Variants in TTLL12 observed in about 807,000 individuals in gnomAD.
TTLL12 encodes the protein tubulin tyrosine ligase like 12, also known as tubulin--tyrosine ligase-like protein 12.
TTLL12 carries 77 observed loss-of-function variants against 79.6 expected under a neutral mutation model. The ratio of observed to expected loss-of-function variants is 0.97; its 90% confidence interval spans 0.81 to 1.17. The LOEUF is 1.17. TTLL12 is among the 50% of genes most tolerant of loss of function. TTLL12 has a pLI of 0.00. For synonymous variants in TTLL12, 437 were observed against 376.1 expected, an observed-to-expected ratio of 1.16 and a Z score of -1.87; for missense variants, 969 against 895.9, an observed-to-expected ratio of 1.08 and a Z score of -1.04.
intron 9 of TTLL12, 129 bp from the exon 10 acceptor site, chr22:43,172,683 C>A: frequency 1.0e-6 from 1 of 1,003,272 alleles, no homozygotes. Flanking sequence ...TTCAAACCTG[C>A]CTAAGTTGCT....
At chr22:43,184,679 G>C (rs544974518) in intron 1 of TTLL12, among the ~76,000 whole-genome samples, 2 of 152,340 alleles carry the variant, frequency 1.3e-5, no homozygotes, top group South Asian at 2.1e-4. Flanking sequence ...TTTAGGGCTG[G>C]GGGGAGGCTC....
chr22:43,185,107 A>C (rs1203218792), intron 1 of TTLL12, among the ~76,000 whole-genome samples: 4 of 151,680 alleles, frequency 2.6e-5, no homozygotes, highest in African/African-American at 9.7e-5. Flanking sequence ...GCACGTCTGT[A>C]ATCCCAGCTA....
In TTLL12 at chr22:43,167,261, C is replaced by T. The variant is rs546341748; in HGVS notation, c.*747G>A. ...CAAGGGCGGGACCCCGTGGAGTGCC[C>T]GGCGAGCAGGGCAACCACTGGGAAG... On this transcript the variant is annotated 3_prime_UTR_variant, in exon 14 of 14. Transcript: ENST00000216129. 31 of 511,502 alleles carry T rather than the reference C, an allele frequency of 6.1e-5. No individual in the cohort carries two copies. Among genetic ancestry groups the T allele is most frequent in the Admixed American group, 3.3e-4 (16 of 48,850 alleles). The allele number at this position is 511,502 out of a possible 1,614,324, so 31.7% of individuals were successfully genotyped here.
At chr22:43,182,932 C>A in intron 2 of TTLL12, 48 bp downstream of exon 2, 1 of 1,592,956 alleles carries the variant, frequency 6.3e-7, no homozygotes, top group Non-Finnish European at 8.6e-7. Context: ...GCATCTCCCA[C>A]CTTTCACCAA....
chr22:43,173,311 A>T (rs1274522709), intron 9 of TTLL12, among the ~76,000 whole-genome samples: 2 of 152,142 alleles, frequency 1.3e-5, no homozygotes, highest in Non-Finnish European at 2.9e-5. Context: ...AGACGCACCC[A>T]GGACAGTTCT....
chr22:43,186,777 C>A, intron 1 of TTLL12, 116 bp downstream of exon 1: 1 of 1,061,572 alleles, frequency 9.4e-7, no homozygotes, highest in Non-Finnish European at 1.2e-6. Flanking sequence ...AGGACGCGCT[C>A]TGGGTGGCTC....
intron 3 of TTLL12, among the ~76,000 whole-genome samples, chr22:43,180,331 G>A (rs1932023670): frequency 6.6e-6 from 1 of 152,170 alleles, no homozygotes; most frequent in Non-Finnish European, 1.5e-5. Flanking sequence ...TCAGGGAAGG[G>A]TCCCTGGAGG....
At position 43,167,866 on chromosome 22, in the gene TTLL12, A is replaced by G. The variant is rs1931657847; in HGVS notation, c.*142T>C. Reference sequence around the variant, plus strand: ...GCTCCCGGAGTGTGGCGCCGGGAGGATGGCTCGGCAGGACAGAGGCCTGGG... The same window carrying G: ...GCTCCCGGAGTGTGGCGCCGGGAGGGTGGCTCGGCAGGACAGAGGCCTGGG... On this transcript the variant is annotated 3_prime_UTR_variant, in exon 14 of 14. Coordinates refer to ENST00000216129, the MANE Select transcript of TTLL12 (RefSeq NM_015140.4). The G allele has an allele frequency of 4.7e-6, 5 of 1,073,760 alleles. No individual in the cohort carries two copies. Among genetic ancestry groups the G allele is most frequent in the Non-Finnish European group, 5.4e-6 (4 of 744,492 alleles). The allele number at this position is 1,073,760 out of a possible 1,614,324, so 66.5% of individuals were successfully genotyped here. A position where few individuals can be genotyped will look rare whatever the true frequency, so the allele number is the denominator to read the frequency against.
In TTLL12 at chr22:43,169,568, C is replaced by T; in HGVS notation, c.1576G>A (p.Val526Met). Residue 526 changes from valine to methionine, a missense_variant and splice_region_variant, in exon 12 of 14, where the codon GTG (valine) becomes ATG (methionine). By Grantham distance (21) the Val-to-Met change is conservative (BLOSUM62 1). Coordinates refer to ENST00000216129, the MANE Select transcript of TTLL12 (RefSeq NM_015140.4). ...NYDPDVVLKQ[V>M]HCEEFIPEFE... The stretch of plus-strand genomic sequence containing the variant: ...TCGGGGATGAACTCTTCACAGTGCA[C>T]CTGCAACAGACACAGGGCCCATCAC... The T allele has an allele frequency of 6.2e-7, 1 of 1,613,486 alleles. No homozygotes were observed. Among genetic ancestry groups the T allele is most frequent in the East Asian group, 2.2e-5 (1 of 44,848 alleles).
At chr22:43,172,025 G>T in intron 10 of TTLL12, 125 bp from the exon 11 acceptor site, 1 of 789,440 alleles carries the variant, frequency 1.3e-6, no homozygotes, top group Non-Finnish European at 2.1e-6. Flanking sequence ...CTGCTGCTCA[G>T]GCGGGAGCCT....
intron 6 of TTLL12, 134 bp downstream of exon 6, chr22:43,176,186 T>C (rs983029594): frequency 2.9e-5 from 20 of 684,316 alleles, no homozygotes; most frequent in Non-Finnish European, 5.0e-5. Flanking sequence ...GTCACTGCTG[T>C]GCCCAGACAG....
chr22:43,171,919 G>C lies in TTLL12; in HGVS notation c.1494-19C>G. 1 of 1,611,332 alleles carries C rather than the reference G, an allele frequency of 6.2e-7. No homozygotes were observed. The highest frequency in any genetic ancestry group is 8.5e-7 in the Non-Finnish European group (1 of 1,177,802). ...AAAGGCCCTGGAAGACAAGTGTGCA[G>C]ACACATATGGGTTCTTGAGCGGCCT... On this transcript the variant is annotated intron_variant, in intron 10 of 13. Coordinates refer to ENST00000216129, the MANE Select transcript of TTLL12 (RefSeq NM_015140.4).
intron 6 of TTLL12, among the ~76,000 whole-genome samples, 172 bp from the exon 7 acceptor site, chr22:43,174,787 C>T (rs367835388): frequency 2.6e-5 from 4 of 152,206 alleles, no homozygotes; most frequent in African/African-American, 7.2e-5. Flanking sequence ...CCGCTCCCTC[C>T]AATCTGCTGA....
chr22:43,174,717 A>C, intron 6 of TTLL12, 102 bp from the exon 7 acceptor site: 8 of 849,706 alleles, frequency 9.4e-6, no homozygotes, highest in Non-Finnish European at 1.5e-5. Flanking sequence ...TTTTGAAGCT[A>C]ATGAGGCAGA....
chr22:43,180,981 T>C (rs774324335), intron 2 of TTLL12, 41 bp from the exon 3 acceptor site: 3 of 1,592,190 alleles, frequency 1.9e-6, no homozygotes, highest in Non-Finnish European at 2.6e-6. Context: ...CGGGTGGGCA[T>C]GGGGCAAAGG....
intron 2 of TTLL12, among the ~76,000 whole-genome samples, chr22:43,182,770 C>A (rs952934240): frequency 6.6e-6 from 1 of 152,198 alleles, no homozygotes; most frequent in African/African-American, 2.4e-5. Context: ...TCTCAGGCCG[C>A]GGTCCATCCG....
rs200016238 is a variant in TTLL12 at position 43,168,025 on chromosome 22, C to T, written c.1918G>A (p.Val640Ile). The change falls in exon 14 of 14, where the codon GTT (valine) becomes ATT (isoleucine). Residue 640 changes from valine (V) to isoleucine (I), a missense_variant. Transcript: ENST00000216129. Reference protein sequence around the residue: ...LFLDQPGGCHVTCLV With the variant: ...LFLDQPGGCHITCLV ...GCGAGTGCCTAGACAAGGCAGGTAACGTGGCAGCCACCGGGCTGGTCCAGA... is the reference window on the plus strand; with the variant it reads ...GCGAGTGCCTAGACAAGGCAGGTAATGTGGCAGCCACCGGGCTGGTCCAGA... 65 of 1,613,844 alleles carry T rather than the reference C, an allele frequency of 4.0e-5. No homozygotes were observed. The Admixed American group carries it at 4.7e-4, about 12-fold the overall frequency.
intron 1 of TTLL12, among the ~76,000 whole-genome samples, chr22:43,184,650 A>T (rs371153417): frequency 3.9e-5 from 6 of 152,310 alleles, no homozygotes; most frequent in East Asian, 3.9e-4. Flanking sequence ...GGGTCTGGGG[A>T]GGCTACTGCC....
chr22:43,184,213 G>T (rs1485883418), intron 1 of TTLL12, among the ~76,000 whole-genome samples: 1 of 152,216 alleles, frequency 6.6e-6, no homozygotes, highest in Non-Finnish European at 1.5e-5. Flanking sequence ...TCCCTAAAAC[G>T]TATTTCCCAC....
Sources: gnomAD v4.1 joint callset for allele counts (sites outside exome capture counted in the v4.1 genomes callset) on GRCh38, gnomAD v4.1.1 for gene constraint, MANE v1.5 for transcripts, NCBI Gene and HGNC (gene_info 2026-07-23, HGNC 2026-07-21) for gene names.